The following SLC22A16 variants were observed in gnomAD, a reference collection of about 807,000 sequenced individuals.
The protein encoded by SLC22A16 is WUGSC:RG331P03.1.
SLC22A16 carries 53 observed loss-of-function variants against 52.9 expected under a neutral mutation model. The observed-to-expected ratio is 1.00, with a 90% confidence interval of 0.80 to 1.26. SLC22A16 has a LOEUF of 1.26. Among genes scored for constraint, SLC22A16 ranks in the 50% most tolerant of loss-of-function variants. SLC22A16 has a pLI of 0.00. For synonymous variants in SLC22A16, 291 were observed against 268.8 expected, an observed-to-expected ratio of 1.08 and a Z score of -0.81; for missense variants, 726 against 704.0, an observed-to-expected ratio of 1.03 and a Z score of -0.35.
In SLC22A16 at chr6:110,435,942, A is replaced by G. The variant is rs752707933; in HGVS notation, c.1331T>C (p.Val444Ala). ...AAATTTTCCAACCATAGCTGTCACC[A>G]CACCCAAAATATAATGTTTCTGAAA... ...VIPQKHYILGVVTAMVGKFAI... is the reference protein window; with the variant it reads ...VIPQKHYILGAVTAMVGKFAI... The change falls in exon 6 of 8, where the codon GTG (valine) becomes GCG (alanine). Residue 444 changes from valine to alanine, a missense_variant. Coordinates refer to ENST00000368919, the MANE Select transcript of SLC22A16 (RefSeq NM_033125.4). The G allele has an allele frequency of 6.2e-7, 1 of 1,613,736 alleles. No individual in the cohort carries two copies. Among genetic ancestry groups the G allele is most frequent in the Non-Finnish European group, 8.5e-7 (1 of 1,179,726 alleles).
chr6:110,425,508 C>T, intron 7 of SLC22A16: 1 of 768,310 alleles, frequency 1.3e-6, no homozygotes. Context: ...CAACCCTGTC[C>T]CTGCCCCAAT....
intron 6 of SLC22A16, among the ~76,000 whole-genome samples, chr6:110,434,518 C>T (rs1189478329): frequency 6.6e-6 from 1 of 151,798 alleles, no homozygotes; most frequent in African/African-American, 2.4e-5. Context: ...CTCTTCACCA[C>T]ATAAAGAGTT....
At chr6:110,442,189 C>G in intron 4 of SLC22A16, 55 bp downstream of exon 4, 1 of 1,532,650 alleles carries the variant, frequency 6.5e-7, no homozygotes, top group East Asian at 2.3e-5. Flanking sequence ...CACACACACA[C>G]AAATGGTAGA....
chr6:110,473,777 A>G (rs5029497), intron 1 of SLC22A16, among the ~76,000 whole-genome samples: 7,342 of 136,834 alleles, frequency 0.054, 2 homozygotes, highest in East Asian at 0.15. Flanking sequence ...TGCCTGCCTC[A>G]GCCTCCCAAA....
chr6:110,427,786 T>C (rs1056971435), intron 7 of SLC22A16, among the ~76,000 whole-genome samples: 5 of 152,232 alleles, frequency 3.3e-5, no homozygotes, highest in Non-Finnish European at 7.3e-5. Flanking sequence ...ACTGCTATTA[T>C]ATATTGAAAA....
At chr6:110,448,922 T>G (rs1351568359) in intron 2 of SLC22A16, among the ~76,000 whole-genome samples, 1 of 152,216 alleles carries the variant, frequency 6.6e-6, no homozygotes, top group Non-Finnish European at 1.5e-5. Context: ...ACCCTTCACT[T>G]CTTTTTCCTT....
In SLC22A16 at chr6:110,428,507, G is replaced by A. The variant is rs545957894; in HGVS notation, c.1521+2664C>T. 2.6e-4 allele frequency among the ~76,000 whole-genome samples: 40 copies of A among 152,306 alleles called. No homozygotes were observed. The East Asian group carries it at 4.8e-3, about 18-fold the overall frequency. On this transcript the variant is annotated intron_variant, in intron 7 of 7. Coordinates refer to ENST00000368919, the MANE Select transcript of SLC22A16 (RefSeq NM_033125.4). ...ATCCCAGCTCTGTCACCTTTAAGGC[G>A]CGTGACCCTGGGCTAATAACTACTT... is the stretch of plus-strand genomic sequence containing the variant.
At chr6:110,449,284 C>T (rs1775286738) in intron 2 of SLC22A16, among the ~76,000 whole-genome samples, 1 of 151,888 alleles carries the variant, frequency 6.6e-6, no homozygotes, top group Non-Finnish European at 1.5e-5. Flanking sequence ...TTGTACCTCC[C>T]TGATGACCCG....
At chr6:110,462,540 G>A (rs1036663211) in intron 1 of SLC22A16, among the ~76,000 whole-genome samples, 7 of 152,106 alleles carry the variant, frequency 4.6e-5, no homozygotes, top group African/African-American at 1.7e-4. Context: ...TTCAGAGCTT[G>A]AAGACCAATC....
At chr6:110,474,181 G>A (rs1028290515) in intron 1 of SLC22A16, among the ~76,000 whole-genome samples, 4 of 152,048 alleles carry the variant, frequency 2.6e-5, no homozygotes, top group Non-Finnish European at 4.4e-5. Context: ...CCATCCTCCC[G>A]ACCCCACCAC....
At chr6:110,445,894 T>C (rs1207474006) in intron 3 of SLC22A16, among the ~76,000 whole-genome samples, 1 of 152,152 alleles carries the variant, frequency 6.6e-6, no homozygotes, top group Non-Finnish European at 1.5e-5. Flanking sequence ...CATTCCTAAA[T>C]ATATATATTT....
intron 2 of SLC22A16, among the ~76,000 whole-genome samples, chr6:110,452,944 C>G (rs1775441497): frequency 6.6e-6 from 1 of 152,012 alleles, no homozygotes; most frequent in Non-Finnish European, 1.5e-5. Context: ...TCTTTTCAGC[C>G]TCCATAAATT....
At chr6:110,475,903 G>T in intron 1 of SLC22A16, 1 of 456,660 alleles carries the variant, frequency 2.2e-6, no homozygotes, top group Non-Finnish European at 4.4e-6. Context: ...GACCCCGCCA[G>T]CTTGTTTCCC....
Position 110,430,760 on chromosome 6 carries a change from T to C in SLC22A16, c.1521+411A>G, listed in dbSNP as rs1046512513. On this transcript the variant is annotated intron_variant, in intron 7 of 7. Coordinates refer to ENST00000368919, the MANE Select transcript of SLC22A16 (RefSeq NM_033125.4). ...ATGCTCTCCATTAGGCATCACATAA[T>C]CTTTTTGGAGCAGGCAGCCCCCAGA... Among the ~76,000 whole-genome samples, 3 of 152,190 alleles carry C rather than the reference T, an allele frequency of 2.0e-5. No individual in the cohort carries two copies. The South Asian group carries it at 6.2e-4, about 31-fold the overall frequency.
intron 6 of SLC22A16, among the ~76,000 whole-genome samples, chr6:110,434,926 C>T (rs950150005): frequency 6.6e-6 from 1 of 152,034 alleles, no homozygotes; most frequent in Non-Finnish European, 1.5e-5. Flanking sequence ...TGCAGTGAAC[C>T]AAGATCACAC....
At chr6:110,448,819 C>T (rs753289887) in intron 2 of SLC22A16, among the ~76,000 whole-genome samples, 8 of 152,228 alleles carry the variant, frequency 5.3e-5, no homozygotes, top group Non-Finnish European at 1.0e-4. Context: ...TCAGCCTTCT[C>T]TTCCTGCCTC....
chr6:110,431,208 G>A lies in SLC22A16; in HGVS notation c.1484C>T (p.Ser495Phe). Residue 495 changes from serine to phenylalanine, a missense_variant, in exon 7 of 8, where the codon TCT becomes TTT. Physicochemically the swap from Ser to Phe is radical, Grantham distance 155. Coordinates refer to ENST00000368919, the MANE Select transcript of SLC22A16 (RefSeq NM_033125.4). ...CRLASILAPF[S>F]VDLSSIWIFI... is the part of the protein sequence containing the mutation. ...GATCCAAATGCTGCTGAGGTCCACA[G>A]AGAACGGCGCCAGGATGCTGGCCAG... 1 of 1,613,856 alleles carries A rather than the reference G, an allele frequency of 6.2e-7. No homozygotes were observed. The highest frequency in any genetic ancestry group is 1.1e-5 in the South Asian group (1 of 91,070).
chr6:110,472,447 A>G (rs916721), intron 1 of SLC22A16, among the ~76,000 whole-genome samples: 25,694 of 151,926 alleles, frequency 0.17, 2,814 homozygotes, highest in African/African-American at 0.3. Context: ...AAAAACACTC[A>G]TGGAGATGAC....
rs1207120959 is a variant in SLC22A16, at chr6:110,436,620, T to TG, written c.1312-660dup. ...CAGCTTGGGTGACAGAGTGAGATCT[T>TG]GTCTCTATTTAATCTATTTACTTTT... is the stretch of plus-strand genomic sequence containing the variant. On this transcript the variant is annotated intron_variant, in intron 5 of 7. Coordinates refer to ENST00000368919, the MANE Select transcript of SLC22A16 (RefSeq NM_033125.4). 7.2e-5 allele frequency among the ~76,000 whole-genome samples: 11 copies of TG among 152,166 alleles called. No homozygotes were observed. In the East Asian group the frequency reaches 2.1e-3, roughly 29 times the overall value.
Sources: allele counts gnomAD v4.1 joint callset (sites outside exome capture counted in the v4.1 genomes callset), GRCh38; gene constraint gnomAD v4.1.1; transcripts MANE v1.5; gene names NCBI Gene and HGNC (gene_info 2026-07-23, HGNC 2026-07-21).